Variants in KIRREL3 observed in about 807,000 individuals in gnomAD.
KIRREL3 encodes kin of IRRE-like protein 3.
In KIRREL3, 36 loss-of-function variants were observed where a neutral mutation model predicts 89.7. The observed-to-expected ratio is 0.40, with a 90% CI of 0.31 to 0.53. KIRREL3 has a LOEUF of 0.53. Ranked by LOEUF, KIRREL3 falls within the 20% of genes least tolerant of loss-of-function variation. KIRREL3 has a pLI of 0.49. For synonymous variants in KIRREL3, 445 were observed against 441.4 expected (o/e 1.01, Z -0.10); for missense variants, 864 against 1,056.6 (o/e 0.82, Z 2.53).
At chr11:126,794,902 TA>T (rs1317073875) in intron 1 of KIRREL3, among the ~76,000 whole-genome samples, 1 of 152,222 alleles carries the variant, frequency 6.6e-6, no homozygotes, top group African/African-American at 2.4e-5. Flanking sequence ...AGTGAAATTT[TA>T]TTCAGTGATA....
chr11:126,923,251 T>C (rs866124203), intron 1 of KIRREL3, among the ~76,000 whole-genome samples: 23 of 58,860 alleles, frequency 3.9e-4, no homozygotes, highest in East Asian at 1.7e-3. Context: ...TTCTTCTTCT[T>C]CTTCTTCTTC....
At chr11:126,649,603 T>C (rs907420938) in intron 1 of KIRREL3, among the ~76,000 whole-genome samples, 1 of 152,184 alleles carries the variant, frequency 6.6e-6, no homozygotes, top group Non-Finnish European at 1.5e-5. Flanking sequence ...CCAGGTCTCA[T>C]ATCCAGGTCA....
chr11:126,949,917 C>G (rs760653462), intron 1 of KIRREL3, among the ~76,000 whole-genome samples: 3 of 152,206 alleles, frequency 2.0e-5, no homozygotes, highest in Non-Finnish European at 4.4e-5. Flanking sequence ...TACATTAAAA[C>G]CAAAATAAAT....
intron 1 of KIRREL3, among the ~76,000 whole-genome samples, chr11:126,794,403 C>G (rs2134369174): frequency 6.6e-6 from 1 of 152,268 alleles, no homozygotes; most frequent in South Asian, 2.1e-4. Flanking sequence ...AGATGCCAGC[C>G]CCTGCTCTGA....
chr11:126,819,321 C>T (rs962469767), intron 1 of KIRREL3, among the ~76,000 whole-genome samples: 5 of 152,160 alleles, frequency 3.3e-5, no homozygotes, highest in South Asian at 2.1e-4. Context: ...CTACCAGAGC[C>T]GCTCAGGGGA....
Position 126,696,505 on chromosome 11 carries a change from C to T in KIRREL3, c.56-133593G>A, listed in dbSNP as rs1947102206. On this transcript the variant is annotated intron_variant, in intron 1 of 16. Transcript: ENST00000525144. This position sits in a 1 kb window ranked among gnomAD's most constrained non-coding sequence, Gnocchi z 4.4. Reference sequence around the variant, plus strand: ...ACAGCTGTACGCAGGCATGTGGCCTCTTGCCTCGACATCTGGCCCCACCGT... The same window carrying T: ...ACAGCTGTACGCAGGCATGTGGCCTTTTGCCTCGACATCTGGCCCCACCGT... Among the ~76,000 whole-genome samples, 1 of 152,170 alleles carries T rather than the reference C, an allele frequency of 6.6e-6. No individual in the cohort carries two copies. The highest frequency in any genetic ancestry group is 1.5e-5 in the Non-Finnish European group (1 of 68,034).
At position 126,528,281 on chromosome 11, in the gene KIRREL3, GCT is replaced by G. The variant is rs1591683251; in HGVS notation, c.134-1596_134-1595del. On this transcript the variant is annotated intron_variant, in intron 2 of 16. Coordinates refer to ENST00000525144, the MANE Select transcript of KIRREL3 (RefSeq NM_032531.4). This position sits in a 1 kb window ranked among gnomAD's most constrained non-coding sequence, Gnocchi z 4.6. Reference sequence around the variant, plus strand: ...GCCACAGACGTCCTGGACACTGGCTGCTGCCCATCTTGGGGACAAAAAGCCCC... The same window carrying G: ...GCCACAGACGTCCTGGACACTGGCTGGCCCATCTTGGGGACAAAAAGCCCC... Among the ~76,000 whole-genome samples, 1 of 152,210 alleles carries G rather than the reference GCT, an allele frequency of 6.6e-6. No homozygotes were observed. The highest frequency in any genetic ancestry group is 2.1e-4 in the South Asian group (1 of 4,834).
chr11:126,752,298 C>T lies in KIRREL3; in HGVS notation c.56-189386G>A. 6.6e-6 allele frequency among the ~76,000 whole-genome samples: 1 copy of T among 152,138 alleles called. No homozygotes were observed. Among genetic ancestry groups the T allele is most frequent in the Non-Finnish European group, 1.5e-5 (1 of 68,034 alleles). ...TGGGTTTTGAAACTATCATTAGGAA[C>T]TTCCTCACTTTTGGATTTTGCAGAT... is the stretch of plus-strand genomic sequence containing the variant. On this transcript the variant is annotated intron_variant, in intron 1 of 16. Transcript: ENST00000525144. This position sits in a 1 kb window ranked among gnomAD's most constrained non-coding sequence, Gnocchi z 4.8.
rs915459368 is a variant in KIRREL3, at chr11:126,432,585, C to G, written c.1589-1059G>C. 2.0e-4 allele frequency among the ~76,000 whole-genome samples: 30 copies of G among 152,198 alleles called. No homozygotes were observed. The highest frequency in any genetic ancestry group is 8.3e-4 in the South Asian group (4 of 4,812). On this transcript the variant is annotated intron_variant, in intron 13 of 16. Transcript: ENST00000525144. This position sits in a 1 kb window ranked among gnomAD's most constrained non-coding sequence, Gnocchi z 6.2. ...ACTGCTCCCACCCCTCCACTCACCC[C>G]ACTCCCACCCCGTCCAGCTCCACCC...
intron 1 of KIRREL3, among the ~76,000 whole-genome samples, chr11:126,595,453 A>C (rs1206847896): frequency 6.6e-6 from 1 of 152,116 alleles, no homozygotes; most frequent in Non-Finnish European, 1.5e-5. Context: ...ATCTTGGACT[A>C]TTTCTCCCTT....
intron 11 of KIRREL3, among the ~76,000 whole-genome samples, chr11:126,437,806 TACC>T (rs1359743546): frequency 2.0e-5 from 3 of 151,964 alleles, no homozygotes; most frequent in Non-Finnish European, 4.4e-5. Context: ...CACATGTACA[TACC>T]ACAACACACA....
chr11:126,461,229 C>T (rs1165432251), intron 6 of KIRREL3, among the ~76,000 whole-genome samples: 1 of 152,242 alleles, frequency 6.6e-6, no homozygotes, highest in Non-Finnish European at 1.5e-5. Context: ...TGCGGCATCT[C>T]ACCTTTTCCA....
intron 2 of KIRREL3, among the ~76,000 whole-genome samples, chr11:126,539,288 G>A (rs928177226): frequency 6.6e-6 from 1 of 152,204 alleles, no homozygotes; most frequent in Non-Finnish European, 1.5e-5. Flanking sequence ...GCATGTGTGT[G>A]CAGACTCTCT....
chr11:126,968,928 C>T (rs139884126), intron 1 of KIRREL3, among the ~76,000 whole-genome samples: 6 of 152,286 alleles, frequency 3.9e-5, no homozygotes, highest in Non-Finnish European at 8.8e-5. Context: ...CTGTAAAAAA[C>T]GGGGCATGAC....
At chr11:126,847,128 T>C (rs900585998) in intron 1 of KIRREL3, among the ~76,000 whole-genome samples, 3 of 152,304 alleles carry the variant, frequency 2.0e-5, no homozygotes, top group Non-Finnish European at 2.9e-5. Context: ...AGTAATAGTA[T>C]ACCAACGGAA....
At position 126,608,505 on chromosome 11, in the gene KIRREL3, G is replaced by A. The variant is rs939970844; in HGVS notation, c.56-45593C>T. Among the ~76,000 whole-genome samples the A allele has an allele frequency of 6.6e-6, 1 of 151,886 alleles. No homozygotes were observed. Among genetic ancestry groups the A allele is most frequent in the African/African-American group, 2.4e-5 (1 of 41,236 alleles). On this transcript the variant is annotated intron_variant, in intron 1 of 16. Transcript: ENST00000525144. This position sits in a 1 kb window ranked among gnomAD's most constrained non-coding sequence, Gnocchi z 4.9. ...TGCGCGTCTGGCATTCCTCCAGTGC[G>A]TTCCCAGGCAGGTGTTTTGAGAAAC...
intron 16 of KIRREL3, among the ~76,000 whole-genome samples, 187 bp downstream of exon 16, chr11:126,425,451 C>T (rs75085070): frequency 0.06 from 9,126 of 152,256 alleles, 543 homozygotes; most frequent in African/African-American, 0.15. Context: ...TTAGCTCTCT[C>T]AGCCTCCTCA....
Position 126,985,257 on chromosome 11 carries a change from C to T in KIRREL3, c.55+15198G>A, listed in dbSNP as rs1219861999. Among the ~76,000 whole-genome samples the T allele has an allele frequency of 6.6e-6, 1 of 152,140 alleles. No individual in the cohort carries two copies. ...TAGGAGTTGTCCAGAATCCCTGACACATTATGCTCTTTTCCCATGTAAGAA... is the reference window on the plus strand; with the variant it reads ...TAGGAGTTGTCCAGAATCCCTGACATATTATGCTCTTTTCCCATGTAAGAA... On this transcript the variant is annotated intron_variant, in intron 1 of 16. Coordinates refer to ENST00000525144, the MANE Select transcript of KIRREL3 (RefSeq NM_032531.4). This position sits in a 1 kb window ranked among gnomAD's most constrained non-coding sequence, Gnocchi z 5.3.
intron 1 of KIRREL3, among the ~76,000 whole-genome samples, chr11:126,858,246 C>T (rs575183122): frequency 3.3e-5 from 5 of 152,340 alleles, no homozygotes; most frequent in East Asian, 3.9e-4. Flanking sequence ...ATCCCGTTGA[C>T]GGCTGCTCTG....
Sources: gnomAD v4.1 joint callset for allele counts (sites outside exome capture counted in the v4.1 genomes callset) on GRCh38, gnomAD v4.1.1 for gene constraint, Gnocchi (gnomAD v3.1) non-coding constraint, MANE v1.5 for transcripts, NCBI Gene and HGNC (gene_info 2026-07-23, HGNC 2026-07-21) for gene names.